Variants in TNFRSF11A observed in about 807,000 individuals in gnomAD.
TNFRSF11A encodes tumor necrosis factor receptor superfamily member 11A.
Under a neutral mutation model 55.7 loss-of-function variants are expected in TNFRSF11A, and 32 were observed. That is an observed-to-expected ratio of 0.57 (90% CI 0.43 to 0.77). The LOEUF (loss-of-function observed/expected upper bound fraction) is 0.77, where lower values mean the gene tolerates loss of function less well. Ranked by LOEUF, TNFRSF11A falls within the 30% of genes least tolerant of loss-of-function variation. TNFRSF11A has a pLI of 0.00. For synonymous variants in TNFRSF11A, 311 were observed against 331.0 expected (o/e 0.94, Z 0.65); for missense variants, 753 against 809.8 (o/e 0.93, Z 0.85).
chr18:62,334,055 G>A (rs12605579), intron 1 of TNFRSF11A, among the ~76,000 whole-genome samples: 37,711 of 151,840 alleles, frequency 0.25, 5,418 homozygotes, highest in East Asian at 0.42. Context: ...TAGTAGAGAC[G>A]GGTTTTCGAC....
chr18:62,378,671 T>G (rs1460775703), intron 9 of TNFRSF11A, among the ~76,000 whole-genome samples: 1 of 152,246 alleles, frequency 6.6e-6, no homozygotes, highest in East Asian at 1.9e-4. Context: ...CTGCTGAATA[T>G]TCATGTGCTC....
intron 4 of TNFRSF11A, among the ~76,000 whole-genome samples, chr18:62,354,778 T>C (rs554513510): frequency 6.6e-6 from 1 of 152,290 alleles, no homozygotes; most frequent in East Asian, 1.9e-4. Flanking sequence ...GCTCTGGCCA[T>C]GGCCAGGGGT....
intron 1 of TNFRSF11A, among the ~76,000 whole-genome samples, chr18:62,331,718 A>C (rs2046157022): frequency 6.6e-6 from 1 of 152,200 alleles, no homozygotes; most frequent in South Asian, 2.1e-4. Context: ...ATGTCACCTA[A>C]CCCCAAAAGA....
Position 62,337,788 on chromosome 18 carries a change from G to A in TNFRSF11A, c.76-10380G>A, listed in dbSNP as rs144853581. Among the ~76,000 whole-genome samples, 33 of 152,258 alleles carry A rather than the reference G, an allele frequency of 2.2e-4. No homozygotes were observed. The East Asian group carries it at 6.4e-3, about 29-fold the overall frequency. ...TTCTTCTCCCCTGGACTGTAAGCCA[G>A]GACTCTCTCGGTTGAGTTCTATCCA... On this transcript the variant is annotated intron_variant, in intron 1 of 9. Transcript: ENST00000586569.
At chr18:62,360,377 A>T (rs1275128251) in intron 6 of TNFRSF11A, among the ~76,000 whole-genome samples, 1 of 152,178 alleles carries the variant, frequency 6.6e-6, no homozygotes, top group Non-Finnish European at 1.5e-5. Context: ...GATTTTAGTC[A>T]TCTTCCCAAA....
intron 8 of TNFRSF11A, among the ~76,000 whole-genome samples, chr18:62,368,085 C>T (rs540547033): frequency 3.9e-4 from 59 of 152,294 alleles, no homozygotes; most frequent in African/African-American, 8.7e-4. Context: ...TGAGCCACCA[C>T]GCCTGGTTAG....
intron 1 of TNFRSF11A, among the ~76,000 whole-genome samples, chr18:62,340,889 C>G (rs956219924): frequency 1.3e-5 from 2 of 152,184 alleles, no homozygotes; most frequent in African/African-American, 4.8e-5. Context: ...AAAACACTGC[C>G]CCTTTATCCT....
intron 9 of TNFRSF11A, among the ~76,000 whole-genome samples, chr18:62,373,679 C>T (rs868726405): frequency 4.0e-4 from 61 of 152,204 alleles, no homozygotes; most frequent in African/African-American, 1.3e-3. Context: ...ATGGAAGGGC[C>T]GGCACTGGCT....
intron 1 of TNFRSF11A, among the ~76,000 whole-genome samples, chr18:62,339,857 C>T (rs573014305): frequency 6.6e-6 from 1 of 152,118 alleles, no homozygotes; most frequent in East Asian, 1.9e-4. Flanking sequence ...AGCCTCTTTG[C>T]GGGGAACAGT....
intron 9 of TNFRSF11A, among the ~76,000 whole-genome samples, chr18:62,384,480 C>G (rs1433141713): frequency 6.9e-6 from 1 of 144,448 alleles, no homozygotes; most frequent in East Asian, 2.2e-4. Context: ...CCTCCCCCTT[C>G]CCCCCTCCCT....
chr18:62,362,998 C>G (rs1394784831), intron 7 of TNFRSF11A, among the ~76,000 whole-genome samples: 1 of 152,072 alleles, frequency 6.6e-6, no homozygotes, highest in South Asian at 2.1e-4. Context: ...CATTTGCCAC[C>G]ACGCCCAGCT....
Position 62,333,436 on chromosome 18 carries a change from G to C in TNFRSF11A, c.75+8009G>C, listed in dbSNP as rs554162809. Among the ~76,000 whole-genome samples, 215 of 152,274 alleles carry C rather than the reference G, an allele frequency of 1.4e-3. 1 individual carries two copies. The highest frequency in any genetic ancestry group is 5.1e-3 in the African/African-American group (213 of 41,556). On this transcript the variant is annotated intron_variant, in intron 1 of 9. Coordinates refer to ENST00000586569, the MANE Select transcript of TNFRSF11A (RefSeq NM_003839.4). Reference sequence around the variant, plus strand: ...TAGAGACCCCGGGATTCCATGAAAAGGTTTGCACTCAGCTCTGACAATATT... The same window carrying C: ...TAGAGACCCCGGGATTCCATGAAAACGTTTGCACTCAGCTCTGACAATATT...
In TNFRSF11A at chr18:62,391,017, C is replaced by T. The variant is rs1911972088; in HGVS notation, c.*5983C>T. ...TCCCATTTCCCTTTTCAGTCAATCC[C>T]TTCCCCACTACCCCTAGCCCCTGGC... On this transcript the variant is annotated 3_prime_UTR_variant, in exon 10 of 10. Transcript: ENST00000586569. 1 of 152,242 alleles carries T rather than the reference C, an allele frequency of 6.6e-6. No homozygotes were observed. The highest frequency in any genetic ancestry group is 2.4e-5 in the African/African-American group (1 of 41,454). 9.4% of individuals were successfully genotyped at this position (152,242 alleles called of 1,614,324 possible).
chr18:62,375,893 G>C (rs1180511952), intron 9 of TNFRSF11A, among the ~76,000 whole-genome samples: 1 of 152,200 alleles, frequency 6.6e-6, no homozygotes, highest in Non-Finnish European at 1.5e-5. Flanking sequence ...CAGCCACTCG[G>C]GAGGCTGAGG....
At position 62,385,127 on chromosome 18, in the gene TNFRSF11A, G is replaced by T. The variant is rs965196006; in HGVS notation, c.*93G>T. 4.5e-6 allele frequency: 6 copies of T among 1,329,556 alleles called. No individual in the cohort carries two copies. Among genetic ancestry groups the T allele is most frequent in the East Asian group, 3.1e-5 (1 of 32,622 alleles). The allele number at this position is 1,329,556 out of a possible 1,614,324, so 82.4% of individuals were successfully genotyped here. A position where few individuals can be genotyped will look rare whatever the true frequency, so the allele number is the denominator to read the frequency against. ...CCCCAGCCCCGGCCACCCAGGGATCGATCGGTACAGTCGAGGAAGACCACC... is the reference window on the plus strand; with the variant it reads ...CCCCAGCCCCGGCCACCCAGGGATCTATCGGTACAGTCGAGGAAGACCACC... On this transcript the variant is annotated 3_prime_UTR_variant, in exon 10 of 10. Coordinates refer to ENST00000586569, the MANE Select transcript of TNFRSF11A (RefSeq NM_003839.4).
At chr18:62,375,954 C>G in intron 9 of TNFRSF11A, among the ~76,000 whole-genome samples, 1 of 152,220 alleles carries the variant, frequency 6.6e-6, no homozygotes, top group East Asian at 1.9e-4. Flanking sequence ...CAACCTTAAA[C>G]CACCGCACTG....
chr18:62,376,542 C>G (rs1910910540), intron 9 of TNFRSF11A, among the ~76,000 whole-genome samples: 1 of 152,096 alleles, frequency 6.6e-6, no homozygotes, highest in Admixed American at 6.5e-5. Flanking sequence ...CCTCCTGCCC[C>G]CCACACATGC....
intron 9 of TNFRSF11A, among the ~76,000 whole-genome samples, chr18:62,370,070 A>G (rs962636861): frequency 1.6e-4 from 24 of 152,182 alleles, no homozygotes; most frequent in Non-Finnish European, 3.1e-4. Flanking sequence ...TATAACCACA[A>G]CGTATCATAT....
chr18:62,380,882 G>C (rs1033521805), intron 9 of TNFRSF11A, among the ~76,000 whole-genome samples: 1 of 150,778 alleles, frequency 6.6e-6, no homozygotes, highest in African/African-American at 2.4e-5. Flanking sequence ...GATCACTGGA[G>C]CCTCAGCATC....
Sources: gnomAD v4.1 joint callset for allele counts (sites outside exome capture counted in the v4.1 genomes callset) on GRCh38, gnomAD v4.1.1 for gene constraint, MANE v1.5 for transcripts, NCBI Gene and HGNC (gene_info 2026-07-23, HGNC 2026-07-21) for gene names.